Variants in TENM2 observed in about 807,000 individuals in gnomAD.
TENM2 encodes teneurin transmembrane protein 2, also known as teneurin-2.
Under a neutral mutation model 245.2 loss-of-function variants are expected in TENM2, and 52 were observed. The ratio of observed to expected loss-of-function variants is 0.21; its 90% CI spans 0.17 to 0.27. The LOEUF (loss-of-function observed/expected upper bound fraction) is 0.27, where lower values mean the gene tolerates loss of function less well. Among genes scored for constraint, TENM2 ranks in the 10% least tolerant of loss-of-function variants. TENM2 has a pLI of 1.00. For missense variants in TENM2, 3,046 were observed against 3,666.8 expected, an observed-to-expected ratio of 0.83 and a Z score of 4.37; for synonymous variants, 1,363 against 1,438.9, an observed-to-expected ratio of 0.95 and a Z score of 1.19.
chr5:168,020,963 A>G (rs1786090514), intron 5 of TENM2, among the ~76,000 whole-genome samples: 2 of 152,362 alleles, frequency 1.3e-5, no homozygotes, highest in East Asian at 1.9e-4. Flanking sequence ...AGGAAAAAAA[A>G]GAAAAGTTTC....
At chr5:167,412,507 A>G (rs1411345012) in intron 2 of TENM2, among the ~76,000 whole-genome samples, 2 of 152,148 alleles carry the variant, frequency 1.3e-5, no homozygotes, top group Non-Finnish European at 2.9e-5. Context: ...AGGATGTGGT[A>G]TACCACCTAG....
the TENM2 span, among the ~76,000 whole-genome samples, chr5:167,186,401 G>T: frequency 6.6e-6 from 1 of 152,186 alleles, no homozygotes; most frequent in Non-Finnish European, 1.5e-5. Flanking sequence ...TAAAGGAAAT[G>T]ATTTCTAATG....
At chr5:167,495,250 T>C (rs925096378) in intron 2 of TENM2, among the ~76,000 whole-genome samples, 6 of 151,682 alleles carry the variant, frequency 4.0e-5, no homozygotes, top group African/African-American at 1.5e-4. Flanking sequence ...TTTTGTTTTT[T>C]TTTTTTGCAT....
chr5:167,470,752 A>G (rs1766973163), intron 2 of TENM2, among the ~76,000 whole-genome samples: 1 of 152,004 alleles, frequency 6.6e-6, no homozygotes, highest in South Asian at 2.1e-4. Context: ...GGAGTTGTGG[A>G]GGCTGAGGCA....
At chr5:167,798,364 A>G (rs1765465756) in intron 2 of TENM2, among the ~76,000 whole-genome samples, 1 of 152,198 alleles carries the variant, frequency 6.6e-6, no homozygotes, top group South Asian at 2.1e-4. Context: ...CCAGCCCCCT[A>G]TTCACCACTC....
intron 2 of TENM2, among the ~76,000 whole-genome samples, chr5:167,448,225 C>T (rs1180493416): frequency 6.6e-6 from 1 of 151,972 alleles, no homozygotes; most frequent in African/African-American, 2.4e-5. Flanking sequence ...ACCAGTGCGA[C>T]CAAAGACACC....
At chr5:167,086,931 A>G in the TENM2 span, among the ~76,000 whole-genome samples, 28 of 79,732 alleles carry the variant, frequency 3.5e-4, no homozygotes, top group South Asian at 8.2e-4. Context: ...ACACACACGC[A>G]CACACACACA....
intron 1 of TENM2, among the ~76,000 whole-genome samples, chr5:167,328,132 TAAA>T (rs36152556): frequency 6.9e-6 from 1 of 144,956 alleles, no homozygotes; most frequent in East Asian, 2.0e-4. Flanking sequence ...GTGAACTTGT[TAAA>T]AAAAAAAAAT....
intron 2 of TENM2, among the ~76,000 whole-genome samples, chr5:167,630,803 A>C (rs1399933232): frequency 6.6e-6 from 1 of 152,236 alleles, no homozygotes; most frequent in Non-Finnish European, 1.5e-5. Flanking sequence ...CAGGAGAGAT[A>C]CTTGGAGCTA....
the TENM2 span, among the ~76,000 whole-genome samples, chr5:167,061,063 GGGT>G: frequency 6.7e-6 from 1 of 149,528 alleles, no homozygotes; most frequent in Non-Finnish European, 1.5e-5. Context: ...TTACTTCTAG[GGGT>G]GGTGCGTGAT....
the TENM2 span, among the ~76,000 whole-genome samples, chr5:167,172,865 A>G: frequency 6.6e-6 from 1 of 152,056 alleles, no homozygotes; most frequent in African/African-American, 2.4e-5. Flanking sequence ...AAACGTTTCA[A>G]TAGAAATCCC....
chr5:167,822,383 T>C (rs1478497784), intron 2 of TENM2, among the ~76,000 whole-genome samples: 1 of 152,176 alleles, frequency 6.6e-6, no homozygotes, highest in East Asian at 1.9e-4. Context: ...TGCAGGGAAA[T>C]GCAATACTTC....
intron 2 of TENM2, among the ~76,000 whole-genome samples, chr5:167,767,012 G>A (rs528895374): frequency 5.9e-5 from 9 of 152,218 alleles, no homozygotes; most frequent in East Asian, 1.9e-4. Context: ...AACATTAAAC[G>A]TACAATTACC....
intron 2 of TENM2, among the ~76,000 whole-genome samples, chr5:167,562,656 A>G (rs549295254): frequency 5.9e-5 from 9 of 152,080 alleles, no homozygotes; most frequent in Non-Finnish European, 1.3e-4. Context: ...TGCTTGGCCA[A>G]CCTTGTGATC....
At chr5:167,363,259 G>A (rs1759821859) in intron 1 of TENM2, among the ~76,000 whole-genome samples, 1 of 152,182 alleles carries the variant, frequency 6.6e-6, no homozygotes. Context: ...ACAAGGACAT[G>A]AAACTGAGAT....
At chr5:167,886,836 A>T (rs1160945256) in intron 3 of TENM2, among the ~76,000 whole-genome samples, 5 of 152,190 alleles carry the variant, frequency 3.3e-5, no homozygotes, top group Non-Finnish European at 7.3e-5. Context: ...ATTTTATTCA[A>T]CAAGTATGTA....
chr5:167,714,807 C>T (rs1440012243), intron 2 of TENM2, among the ~76,000 whole-genome samples: 3 of 152,146 alleles, frequency 2.0e-5, no homozygotes, highest in Admixed American at 6.5e-5. Context: ...CTCATTACCA[C>T]TGGGGCTATC....
chr5:167,689,097 C>T (rs2098543748), intron 2 of TENM2, among the ~76,000 whole-genome samples: 2 of 152,068 alleles, frequency 1.3e-5, no homozygotes, highest in South Asian at 4.1e-4. Flanking sequence ...GATACCAAGA[C>T]AGGATTAGGT....
the TENM2 span, among the ~76,000 whole-genome samples, chr5:167,034,910 T>C: frequency 6.6e-6 from 1 of 152,120 alleles, no homozygotes; most frequent in Non-Finnish European, 1.5e-5. Context: ...GAAAGTGCTT[T>C]AGTATTTCTT....
Sources: gnomAD v4.1 joint callset for allele counts (sites outside exome capture counted in the v4.1 genomes callset) on GRCh38, gnomAD v4.1.1 for gene constraint, MANE v1.5 for transcripts, NCBI Gene and HGNC (gene_info 2026-07-23, HGNC 2026-07-21) for gene names.